The following COL24A1 variants were observed in gnomAD, a reference collection of about 807,000 sequenced individuals.
COL24A1 encodes collagen type XXIV alpha 1 chain, also known as collagen alpha-1(XXIV) chain.
COL24A1 carries 224 observed loss-of-function variants against 253.9 expected under a neutral mutation model. That is an observed-to-expected ratio of 0.88 (90% CI 0.79 to 0.99). The LOEUF is 0.99. COL24A1 is among the 50% of genes least tolerant of loss of function. The pLI is 0.00. For synonymous variants in COL24A1, 685 were observed against 673.7 expected (o/e 1.02, Z -0.26); for missense variants, 2,131 against 2,068.5 (o/e 1.03, Z -0.59).
chr1:86,019,306 C>T (rs879346856), intron 18 of COL24A1, among the ~76,000 whole-genome samples: 1 of 152,052 alleles, frequency 6.6e-6, no homozygotes, highest in Non-Finnish European at 1.5e-5. Context: ...CCTATAATCC[C>T]ACATTCTAGG....
intron 32 of COL24A1, among the ~76,000 whole-genome samples, chr1:85,884,377 G>A (rs1412902894): frequency 6.6e-6 from 1 of 152,018 alleles, no homozygotes; most frequent in African/African-American, 2.4e-5. Context: ...GGTGTCTCAG[G>A]CTAAAATGTC....
chr1:85,759,698 C>T (rs917757216), intron 55 of COL24A1, among the ~76,000 whole-genome samples: 3 of 152,178 alleles, frequency 2.0e-5, no homozygotes, highest in Non-Finnish European at 4.4e-5. Flanking sequence ...TGATTAATTT[C>T]TCAAAGTGTA....
chr1:85,759,198 A>G (rs1000804676), intron 55 of COL24A1, among the ~76,000 whole-genome samples: 2 of 152,184 alleles, frequency 1.3e-5, no homozygotes, highest in Non-Finnish European at 2.9e-5. Context: ...GAAGATTCCC[A>G]CTAAAATTTC....
intron 55 of COL24A1, among the ~76,000 whole-genome samples, chr1:85,756,275 C>T (rs762329745): frequency 4.6e-4 from 70 of 151,802 alleles, no homozygotes; most frequent in Non-Finnish European, 7.4e-4. Context: ...CAAAATTAGC[C>T]AGGCGTGGTG....
intron 24 of COL24A1, among the ~76,000 whole-genome samples, chr1:85,939,407 C>T (rs1054006206): frequency 6.6e-6 from 1 of 152,076 alleles, no homozygotes; most frequent in Non-Finnish European, 1.5e-5. Flanking sequence ...ATGTTTTATC[C>T]TGCCTTCCTA....
intron 19 of COL24A1, among the ~76,000 whole-genome samples, chr1:85,988,246 T>C (rs1558911015): frequency 6.6e-6 from 1 of 152,034 alleles, no homozygotes; most frequent in East Asian, 1.9e-4. Flanking sequence ...ACCATTATCT[T>C]ACAAGTTCCA....
At chr1:85,837,271 T>A (rs1344521209) in intron 43 of COL24A1, among the ~76,000 whole-genome samples, 3 of 151,810 alleles carry the variant, frequency 2.0e-5, no homozygotes, top group South Asian at 2.1e-4. Flanking sequence ...GAAAAAAAAA[T>A]GGTAATCGCA....
chr1:85,981,682 G>A (rs1365098014), intron 20 of COL24A1, among the ~76,000 whole-genome samples: 2 of 152,138 alleles, frequency 1.3e-5, no homozygotes, highest in African/African-American at 4.8e-5. Context: ...TGCACAGTTA[G>A]AGAAAAAAAC....
At chr1:85,899,866 G>A (rs1485129753) in intron 28 of COL24A1, among the ~76,000 whole-genome samples, 1 of 152,116 alleles carries the variant, frequency 6.6e-6, no homozygotes, top group Admixed American at 6.6e-5. Flanking sequence ...ACTGAAGTCT[G>A]TAGATGTTAG....
At chr1:85,754,732 T>G (rs893597275) in intron 55 of COL24A1, among the ~76,000 whole-genome samples, 1 of 151,802 alleles carries the variant, frequency 6.6e-6, no homozygotes, top group African/African-American at 2.4e-5. Context: ...TAGGCAGAAG[T>G]AAGCACCAGT....
intron 46 of COL24A1, among the ~76,000 whole-genome samples, 198 bp from the exon 47 acceptor site, chr1:85,817,093 G>T (rs769303778): frequency 6.6e-6 from 1 of 152,056 alleles, no homozygotes; most frequent in Non-Finnish European, 1.5e-5. Flanking sequence ...GCCTTTAAAA[G>T]TTCCCCAAAC....
chr1:86,018,454 AAG>A (rs1463563166), intron 18 of COL24A1, among the ~76,000 whole-genome samples: 1 of 152,208 alleles, frequency 6.6e-6, no homozygotes, highest in East Asian at 1.9e-4. Context: ...TCTCTCTTTA[AAG>A]AGATAGAGAA....
chr1:85,787,879 C>T (rs1391265737), intron 47 of COL24A1, among the ~76,000 whole-genome samples: 1 of 152,152 alleles, frequency 6.6e-6, no homozygotes, highest in African/African-American at 2.4e-5. Flanking sequence ...TTCTCTGCAG[C>T]CCTGCAAGTA....
intron 52 of COL24A1, among the ~76,000 whole-genome samples, chr1:85,776,021 A>T (rs995516756): frequency 6.6e-6 from 1 of 152,188 alleles, no homozygotes; most frequent in Non-Finnish European, 1.5e-5. Context: ...AAAGCAATTT[A>T]AAAAGGAAAT....
At chr1:86,030,917 T>C (rs1457020044) in intron 14 of COL24A1, among the ~76,000 whole-genome samples, 2 of 151,950 alleles carry the variant, frequency 1.3e-5, no homozygotes, top group Admixed American at 1.3e-4. Flanking sequence ...TTGACCAAGC[T>C]GTCACCTTGT....
chr1:86,108,580 C>T lies in COL24A1; in HGVS notation c.1599+3987G>A, dbSNP rs550756378. ...GGTGGATCACCTGAGGTCAGGAAGT[C>T]GAGACCAGCCTGATGAAAATGGAGA... On this transcript the variant is annotated intron_variant, in intron 5 of 59. Transcript: ENST00000370571. 5.5e-5 allele frequency among the ~76,000 whole-genome samples: 7 copies of T among 127,716 alleles called. No homozygotes were observed. The South Asian group carries it at 1.4e-3, about 26-fold the overall frequency. 83.8% of individuals were successfully genotyped at this position (127,716 alleles called of 152,430 possible).
Position 85,729,625 on chromosome 1 carries a change from T to C in COL24A1, c.*921A>G, listed in dbSNP as rs1366600553. ...GAATTAAAACTTTACAAAATATATA[T>C]ACACTAAGTATCATTCCAGATGATC... On this transcript the variant is annotated 3_prime_UTR_variant, in exon 60 of 60. Coordinates refer to ENST00000370571, the MANE Select transcript of COL24A1 (RefSeq NM_152890.7). 1 of 152,626 alleles carries C rather than the reference T, an allele frequency of 6.6e-6. No individual in the cohort carries two copies. Among genetic ancestry groups the C allele is most frequent in the East Asian group, 1.9e-4 (1 of 5,192 alleles). 9.5% of individuals were successfully genotyped at this position (152,626 alleles called of 1,614,324 possible).
At chr1:85,972,368 A>C (rs528397265) in intron 20 of COL24A1, among the ~76,000 whole-genome samples, 2 of 152,086 alleles carry the variant, frequency 1.3e-5, no homozygotes, top group Non-Finnish European at 2.9e-5. Context: ...TATACTTTCT[A>C]TACTTTAACA....
chr1:86,119,831 G>A (rs1706548035), intron 3 of COL24A1, among the ~76,000 whole-genome samples: 1 of 151,962 alleles, frequency 6.6e-6, no homozygotes, highest in African/African-American at 2.4e-5. Context: ...AAAAGTGAGA[G>A]GACAGGAAAA....
Sources: allele counts gnomAD v4.1 joint callset (sites outside exome capture counted in the v4.1 genomes callset), GRCh38; gene constraint gnomAD v4.1.1; transcripts MANE v1.5; gene names NCBI Gene and HGNC (gene_info 2026-07-23, HGNC 2026-07-21).